Variants in ISY1 observed in about 807,000 individuals in gnomAD.
ISY1 encodes the protein ISY1 spliceosome associated protein.
A neutral mutation model predicts 54.4 loss-of-function variants in ISY1; 12 were observed. The ratio of observed to expected loss-of-function variants is 0.22; its 90% CI spans 0.14 to 0.36. The LOEUF is 0.36. Ranked by LOEUF, ISY1 falls within the 10% of genes least tolerant of loss-of-function variation. ISY1 has a pLI of 1.00. For missense variants in ISY1, 282 were observed against 342.2 expected (o/e 0.82, Z 1.39); for synonymous variants, 96 against 117.9 (o/e 0.81, Z 1.20).
intron 1 of ISY1, 55 bp downstream of exon 1, chr3:129,160,918 G>GCCCCCCAC: frequency 1.5e-6 from 1 of 666,126 alleles, no homozygotes. Context: ...TGGACTGGGC[G>GCCCCCCAC]CCCCCCCGCC....
intron 7 of ISY1, chr3:129,137,307 C>A: frequency 1.6e-6 from 1 of 612,590 alleles, no homozygotes. Context: ...GGTAAGAGGA[C>A]TTTAACTCTA....
In ISY1 at chr3:129,160,018, G is replaced by A. The variant is rs146585450; in HGVS notation, c.4-842C>T. Among the ~76,000 whole-genome samples, 331 of 152,158 alleles carry A rather than the reference G, an allele frequency of 2.2e-3. 1 individual carries two copies. The highest frequency in any genetic ancestry group is 7.2e-3 in the African/African-American group (301 of 41,522). On this transcript the variant is annotated intron_variant, in intron 1 of 10. Coordinates refer to ENST00000393295, the MANE Select transcript of ISY1 (RefSeq NM_020701.4). ...TTGGGATATACCTTCTCACAGAAAC[G>A]GCTACTACTTTTTTTTTTTTTCTTT...
At chr3:129,147,250 G>A (rs543860434) in intron 5 of ISY1, among the ~76,000 whole-genome samples, 94 of 151,620 alleles carry the variant, frequency 6.2e-4, no homozygotes, top group Non-Finnish European at 1.1e-3. Context: ...GATGGTGCAC[G>A]CTTGTAATCC....
Position 129,157,025 on chromosome 3 carries a change from A to G in ISY1, c.79-105T>C. ...GCCTAAATCATCTAATGGCCTAAAA[A>G]CATTTGAAGTTTTCATTCCAGATGA... On this transcript the variant is annotated intron_variant, in intron 3 of 10. Coordinates refer to ENST00000393295, the MANE Select transcript of ISY1 (RefSeq NM_020701.4). 4 of 1,270,456 alleles carry G rather than the reference A, an allele frequency of 3.1e-6. No individual in the cohort carries two copies. The South Asian group carries it at 4.1e-5, about 13-fold the overall frequency. 78.7% of individuals were successfully genotyped at this position (1,270,456 alleles called of 1,614,324 possible). A position where few individuals can be genotyped will look rare whatever the true frequency, so the allele number is the denominator to read the frequency against.
At position 129,129,738 on chromosome 3, in the gene ISY1, G is replaced by C. The variant is rs541102172; in HGVS notation, c.*343C>G. ...TTTGCATTTTTTAAAATTATACTTTGGTCTGCAAAAAATTGCATTTTTAAA... is the reference window on the plus strand; with the variant it reads ...TTTGCATTTTTTAAAATTATACTTTCGTCTGCAAAAAATTGCATTTTTAAA... On this transcript the variant is annotated 3_prime_UTR_variant, in exon 11 of 11. Coordinates refer to ENST00000393295, the MANE Select transcript of ISY1 (RefSeq NM_020701.4). 5.2e-6 allele frequency: 1 copy of C among 190,642 alleles called. No individual in the cohort carries two copies. The highest frequency in any genetic ancestry group is 2.3e-5 in the African/African-American group (1 of 43,102). The allele number at this position is 190,642 out of a possible 1,614,324, so 11.8% of individuals were successfully genotyped here.
intron 6 of ISY1, chr3:129,144,173 C>G (rs754265528): frequency 2.3e-6 from 1 of 440,024 alleles, no homozygotes; most frequent in Non-Finnish European, 4.6e-6. Context: ...CAAGGGCTCA[C>G]TCTGGCAGGA....
intron 2 of ISY1, among the ~76,000 whole-genome samples, chr3:129,158,800 G>A (rs1227536812): frequency 1.3e-5 from 2 of 152,216 alleles, no homozygotes; most frequent in Admixed American, 1.3e-4. Flanking sequence ...CTACACATAA[G>A]GACTGTGGGA....
At chr3:129,157,702 C>T (rs1937185498) in intron 3 of ISY1, among the ~76,000 whole-genome samples, 1 of 123,210 alleles carries the variant, frequency 8.1e-6, no homozygotes, top group Admixed American at 1.1e-4. Context: ...GCCTGAGCGA[C>T]AGAGCGTCCA....
intron 3 of ISY1, among the ~76,000 whole-genome samples, chr3:129,157,478 G>T (rs1019788604): frequency 1.3e-5 from 2 of 152,046 alleles, no homozygotes; most frequent in Non-Finnish European, 2.9e-5. Context: ...TCCCACTTTG[G>T]GAGGTCAAGG....
chr3:129,130,162 C>T lies in ISY1; in HGVS notation c.777G>A (p.Lys259=), dbSNP rs768526968. The change falls in exon 11 of 11, where the codon AAG becomes AAA. Residue 259 remains lysine (K), a synonymous_variant. Coordinates refer to ENST00000393295, the MANE Select transcript of ISY1 (RefSeq NM_020701.4). ...QEIEEALVRR[K]KMELLQKYAS... ...CATACTTCTGGAGGAGTTCCATTTTCTTCCTTCGCACCAGTGCCTCCTCAA... is the reference window on the plus strand; with the variant it reads ...CATACTTCTGGAGGAGTTCCATTTTTTTCCTTCGCACCAGTGCCTCCTCAA... 2 of 1,611,800 alleles carry T rather than the reference C, an allele frequency of 1.2e-6. No individual in the cohort carries two copies. Among genetic ancestry groups the T allele is most frequent in the South Asian group, 1.1e-5 (1 of 90,830 alleles).
In ISY1 at chr3:129,138,739, C is replaced by T. The variant is rs1228852834; in HGVS notation, c.418+1629G>A. Among the ~76,000 whole-genome samples the T allele has an allele frequency of 1.8e-4, 27 of 149,788 alleles. 1 individual carries two copies. Among genetic ancestry groups the T allele is most frequent in the Admixed American group, 2.7e-4 (4 of 14,978 alleles). On this transcript the variant is annotated intron_variant, in intron 7 of 10. Transcript: ENST00000393295. ...CTGAGGCAGGAGAATTACTTGAACC[C>T]GGGAGGCAGAGGTTGCAGTGAGCCG...
intron 6 of ISY1, among the ~76,000 whole-genome samples, chr3:129,144,699 T>C (rs1045018923): frequency 1.3e-5 from 2 of 152,164 alleles, no homozygotes; most frequent in East Asian, 3.8e-4. Context: ...AGCACCTTTG[T>C]GTGCTGGCTT....
chr3:129,140,189 T>C (rs1020452477), intron 7 of ISY1, among the ~76,000 whole-genome samples, 179 bp downstream of exon 7: 2 of 152,226 alleles, frequency 1.3e-5, no homozygotes, highest in Non-Finnish European at 1.5e-5. Context: ...TTGTATGGCA[T>C]GGGCCTATGA....
At chr3:129,146,304 T>C (rs192523138) in intron 5 of ISY1, among the ~76,000 whole-genome samples, 111 of 152,222 alleles carry the variant, frequency 7.3e-4, no homozygotes, top group Non-Finnish European at 1.2e-3. Flanking sequence ...AAGCAATGTA[T>C]TGCTATATGG....
intron 9 of ISY1, among the ~76,000 whole-genome samples, chr3:129,133,762 T>C (rs908459581): frequency 6.6e-6 from 1 of 152,144 alleles, no homozygotes; most frequent in African/African-American, 2.4e-5. Flanking sequence ...TGAACAGAAG[T>C]GATGAGGTCA....
At position 129,130,031 on chromosome 3, in the gene ISY1, G is replaced by C. The variant is rs1233248159; in HGVS notation, c.*50C>G. ...GCCTGTGTCTGCAGCCCTGGGTCCTGAGGTACCACTGGGGGATGGAAGAAC... is the reference window on the plus strand; with the variant it reads ...GCCTGTGTCTGCAGCCCTGGGTCCTCAGGTACCACTGGGGGATGGAAGAAC... On this transcript the variant is annotated 3_prime_UTR_variant, in exon 11 of 11. Transcript: ENST00000393295. 1 of 1,435,548 alleles carries C rather than the reference G, an allele frequency of 7.0e-7. No homozygotes were observed. Among genetic ancestry groups the C allele is most frequent in the East Asian group, 2.4e-5 (1 of 42,470 alleles). The allele number at this position is 1,435,548 out of a possible 1,614,324, so 88.9% of individuals were successfully genotyped here.
intron 6 of ISY1, among the ~76,000 whole-genome samples, chr3:129,142,206 C>T (rs1431696486): frequency 8.2e-5 from 2 of 24,332 alleles, no homozygotes; most frequent in Non-Finnish European, 1.2e-4. Flanking sequence ...GACTCTGTCT[C>T]GAAAAAAAAA....
At position 129,158,579 on chromosome 3, in the gene ISY1, T is replaced by TA; in HGVS notation, c.27-21dup. The TA allele has an allele frequency of 6.2e-7, 1 of 1,613,902 alleles. No homozygotes were observed. The highest frequency in any genetic ancestry group is 8.5e-7 in the Non-Finnish European group (1 of 1,179,946). On this transcript the variant is annotated intron_variant, in intron 2 of 10. Coordinates refer to ENST00000393295, the MANE Select transcript of ISY1 (RefSeq NM_020701.4). ...GCCGTCCTACCAGCGATATAAAAGA[T>TA]AAAAGACTCCATTAGATCCTGCTCA...
intron 6 of ISY1, among the ~76,000 whole-genome samples, chr3:129,142,816 G>A (rs1936661113): frequency 6.6e-6 from 1 of 152,010 alleles, no homozygotes; most frequent in Admixed American, 6.6e-5. Context: ...GCACTTTGGG[G>A]AGCCAAGGCA....
Sources: gnomAD v4.1 joint callset for allele counts (sites outside exome capture counted in the v4.1 genomes callset) on GRCh38, gnomAD v4.1.1 for gene constraint, MANE v1.5 for transcripts, NCBI Gene and HGNC (gene_info 2026-07-23, HGNC 2026-07-21) for gene names.